The following DRP2 variants were observed in gnomAD, a reference collection of about 807,000 sequenced individuals.
The protein encoded by DRP2 is dystrophin related protein 2.
In DRP2, 29 loss-of-function variants were observed where a neutral mutation model predicts 78.2. That is an observed-to-expected ratio of 0.37 (90% confidence interval 0.28 to 0.51). DRP2 has a LOEUF of 0.51. DRP2 is among the 20% of genes least tolerant of loss of function. The pLI, the probability that DRP2 is intolerant of heterozygous loss-of-function variation, is 0.94. For missense variants in DRP2, 686 were observed against 770.6 expected, an observed-to-expected ratio of 0.89 and a Z score of 1.30; for synonymous variants, 290 against 281.9, an observed-to-expected ratio of 1.03 and a Z score of -0.29.
At chrX:101,254,267 G>A (rs1923255738) in intron 17 of DRP2, among the ~76,000 whole-genome samples, 158 bp from the exon 18 acceptor site, 1 of 110,774 alleles carries the variant, frequency 9.0e-6, no homozygotes, top group South Asian at 4.0e-4. Flanking sequence ...GTTGAGTTTG[G>A]CATATATCCT....
At chrX:101,222,822 T>C (rs1200822053) in intron 1 of DRP2, among the ~76,000 whole-genome samples, 2 of 111,995 alleles carry the variant, frequency 1.8e-5, no homozygotes, top group Admixed American at 9.5e-5. Flanking sequence ...CTATTCTCCA[T>C]GATTAAAGTT....
At chrX:101,243,528 A>C (rs1922816626) in intron 9 of DRP2, among the ~76,000 whole-genome samples, 1 of 110,571 alleles carries the variant, frequency 9.0e-6, no homozygotes, top group Admixed American at 9.7e-5. Context: ...CAATTTTCCC[A>C]TCTGTAAAAG....
At chrX:101,231,883 T>G in intron 3 of DRP2, 119 bp downstream of exon 3, 1 of 533,598 alleles carries the variant, frequency 1.9e-6, no homozygotes, top group Non-Finnish European at 3.1e-6. Context: ...TGCAACCCCT[T>G]GGATAGCATG....
intron 6 of DRP2, 24 bp downstream of exon 6, chrX:101,239,125 A>G: frequency 8.3e-7 from 1 of 1,200,824 alleles, no homozygotes; most frequent in Non-Finnish European, 1.1e-6. Flanking sequence ...TGTTTTTCCC[A>G]CTTCTTCTTG....
In DRP2 at chrX:101,250,930, C is replaced by T; in HGVS notation, c.1712C>T (p.Pro571Leu). 8.3e-7 allele frequency: 1 copy of T among 1,210,718 alleles called. No individual in the cohort carries two copies. The highest frequency in any genetic ancestry group is 1.1e-6 in the Non-Finnish European group (1 of 895,188). The change falls in exon 16 of 24, where the codon CCA becomes CTA. Residue 571 changes from proline to leucine, a missense_variant. Physicochemically the swap from Pro to Leu is moderately conservative, Grantham distance 98 (BLOSUM62 -3). Transcript: ENST00000395209. ...TTGTTTCCGTAGAGCACCGGGAAGC[C>T]AGTCATTGAAGCATCCCAGTTCCTG... ...RSCFRFSTGKPVIEASQFLEW... is the reference protein window; with the variant it reads ...RSCFRFSTGKLVIEASQFLEW...
chrX:101,239,182 A>C, intron 6 of DRP2, 81 bp downstream of exon 6: 1 of 1,085,944 alleles, frequency 9.2e-7, no homozygotes, highest in South Asian at 2.5e-5. Flanking sequence ...TGCCTTCCCC[A>C]AACTCATTTT....
intron 1 of DRP2, among the ~76,000 whole-genome samples, chrX:101,222,984 A>G (rs1788300381): frequency 8.9e-6 from 1 of 112,245 alleles, no homozygotes; most frequent in Admixed American, 9.4e-5. Context: ...GTGGTGTATC[A>G]TACGTATTCT....
chrX:101,240,849 G>A (rs895143967), intron 6 of DRP2, among the ~76,000 whole-genome samples: 8 of 112,226 alleles, frequency 7.1e-5, no homozygotes, highest in African/African-American at 2.3e-4. Flanking sequence ...TCTAGAAAGA[G>A]CAGCACAATT....
intron 17 of DRP2, among the ~76,000 whole-genome samples, chrX:101,253,923 C>G (rs1406018488): frequency 9.0e-6 from 1 of 110,963 alleles, no homozygotes; most frequent in Non-Finnish European, 1.9e-5. Flanking sequence ...CATAGAAAAG[C>G]TATTTTAAAA....
chrX:101,235,733 A>T (rs1602915861), intron 3 of DRP2, 127 bp from the exon 4 acceptor site: 1 of 669,478 alleles, frequency 1.5e-6, no homozygotes, highest in Non-Finnish European at 2.2e-6. Flanking sequence ...ACACACAGAG[A>T]ATAGCATTTC....
rs750592857 is a variant in DRP2 at position 101,239,097 on chromosome X, C to T, written c.555C>T (p.Ser185=). 3 of 1,208,992 alleles carry T rather than the reference C, an allele frequency of 2.5e-6. No individual in the cohort carries two copies. The East Asian group carries it at 8.9e-5, about 36-fold the overall frequency. The change falls in exon 6 of 24, where the codon AGC becomes AGT. Residue 185 remains serine (S), a synonymous_variant. Coordinates refer to ENST00000395209, the MANE Select transcript of DRP2 (RefSeq NM_001939.3). ...FEELEEPHSE[S]KDTSPKQRIQ... is the part of the protein sequence containing the mutation. ...AGTTAGAGGAGCCTCATTCTGAGAG[C>T]AAAGGTAGGTGGTCTTCTGTTTTTC...
rs951736979 is a variant in DRP2, at chrX:101,242,623, T to C, written c.975+152T>C. ...GGAATGGGCTTTTCAACCTCTAAGC[T>C]GCAGGGAATGATTAAAATGAATAAG... On this transcript the variant is annotated intron_variant, in intron 8 of 23. Coordinates refer to ENST00000395209, the MANE Select transcript of DRP2 (RefSeq NM_001939.3). 3.9e-6 allele frequency: 3 copies of C among 761,672 alleles called. No individual in the cohort carries two copies. The Admixed American group carries it at 1.1e-4, about 28-fold the overall frequency. 62.8% of individuals were successfully genotyped at this position (761,672 alleles called of 1,213,427 possible).
intron 22 of DRP2, among the ~76,000 whole-genome samples, chrX:101,259,174 T>C (rs375813300): frequency 2.8e-4 from 31 of 112,012 alleles, no homozygotes; most frequent in African/African-American, 8.7e-4. Flanking sequence ...ACCAACTTCA[T>C]AGAATTGTGG....
At chrX:101,224,212 T>TTTTTTTTTTTGTTTTTTTTTTGTTTTTG (rs1922025437) in intron 1 of DRP2, among the ~76,000 whole-genome samples, 1 of 75,098 alleles carries the variant, frequency 1.3e-5, no homozygotes, top group African/African-American at 5.5e-5. Context: ...TTTTTTTTTT[T>TTTTTTTTTTTGTTTTTTTTTTGTTTTTG]TTTTTTTTTG....
In DRP2 at chrX:101,245,771, G is replaced by A. The variant is rs754066956; in HGVS notation, c.1177+322G>A. 1.3e-4 allele frequency among the ~76,000 whole-genome samples: 15 copies of A among 111,556 alleles called. No individual in the cohort carries two copies. In the South Asian group the frequency reaches 5.0e-3, roughly 37 times the overall value. ...GGCTGAGGGGAGGGGAAAATGGGGA[G>A]ATACTGGTCAAGAGTACAAAGAAGT... On this transcript the variant is annotated intron_variant, in intron 11 of 23. Transcript: ENST00000395209.
intron 16 of DRP2, chrX:101,251,415 A>C: frequency 7.1e-6 from 1 of 141,549 alleles, no homozygotes; most frequent in Non-Finnish European, 1.4e-5. Context: ...AGGAAAGCTG[A>C]TCTGTAGCAT....
chrX:101,235,791 C>T (rs1365342433), intron 3 of DRP2, 69 bp from the exon 4 acceptor site: 2 of 1,091,376 alleles, frequency 1.8e-6, no homozygotes, highest in South Asian at 2.2e-5. Context: ...ACTTGTCTCA[C>T]CCTTGGCTTG....
chrX:101,230,345 C>T (rs893869733), intron 2 of DRP2, among the ~76,000 whole-genome samples: 4 of 110,354 alleles, frequency 3.6e-5, no homozygotes, highest in Non-Finnish European at 7.6e-5. Context: ...GCCAACATGA[C>T]GAAACCCCAT....
chrX:101,221,953 CAAGT>C (rs1199056746), intron 1 of DRP2, among the ~76,000 whole-genome samples: 1 of 112,101 alleles, frequency 8.9e-6, no homozygotes, highest in African/African-American at 3.2e-5. Context: ...ACAAAAATAG[CAAGT>C]GAGATAAATC....
Sources: allele counts gnomAD v4.1 joint callset (sites outside exome capture counted in the v4.1 genomes callset), GRCh38; gene constraint gnomAD v4.1.1; transcripts MANE v1.5; gene names NCBI Gene and HGNC (gene_info 2026-07-23, HGNC 2026-07-21).